Variants in KPNA3 observed in about 807,000 individuals in gnomAD.
KPNA3 encodes the protein karyopherin subunit alpha 3.
KPNA3 carries 13 observed loss-of-function variants against 73.8 expected under a neutral mutation model. The ratio of observed to expected loss-of-function variants is 0.18; its 90% confidence interval spans 0.11 to 0.28. The LOEUF (loss-of-function observed/expected upper bound fraction) is 0.28, where lower values mean the gene tolerates loss of function less well. Among genes scored for constraint, KPNA3 ranks in the 10% least tolerant of loss-of-function variants. The pLI, the probability that KPNA3 is intolerant of heterozygous loss-of-function variation, is 1.00. For synonymous variants in KPNA3, 186 were observed against 206.9 expected, an observed-to-expected ratio of 0.90 and a Z score of 0.87; for missense variants, 360 against 618.1, an observed-to-expected ratio of 0.58 and a Z score of 4.43.
chr13:49,787,620 C>T (rs1486677608), intron 1 of KPNA3, among the ~76,000 whole-genome samples: 1 of 152,134 alleles, frequency 6.6e-6, no homozygotes, highest in African/African-American at 2.4e-5. Context: ...GATTCTCTCG[C>T]CTCAGCCTCC....
intron 10 of KPNA3, among the ~76,000 whole-genome samples, chr13:49,712,699 A>G (rs1254836370): frequency 6.6e-6 from 1 of 152,162 alleles, no homozygotes; most frequent in Non-Finnish European, 1.5e-5. Context: ...AGAAAATAGA[A>G]TAAGCTCATG....
chr13:49,758,822 C>A (rs1211787965), intron 1 of KPNA3, among the ~76,000 whole-genome samples: 1 of 152,050 alleles, frequency 6.6e-6, no homozygotes, highest in African/African-American at 2.4e-5. Flanking sequence ...TATCTATCCA[C>A]CCCAAGATGT....
intron 12 of KPNA3, among the ~76,000 whole-genome samples, chr13:49,707,521 G>C (rs771973000): frequency 2.6e-5 from 4 of 152,034 alleles, no homozygotes; most frequent in Non-Finnish European, 5.9e-5. Flanking sequence ...AAAAATTTTT[G>C]AAGTAACTAA....
At chr13:49,758,775 T>TA (rs1334418406) in intron 1 of KPNA3, among the ~76,000 whole-genome samples, 1 of 152,162 alleles carries the variant, frequency 6.6e-6, no homozygotes, top group Non-Finnish European at 1.5e-5. Context: ...TATGTTTATA[T>TA]ACATACACAC....
rs965153926 is a variant in KPNA3, at chr13:49,711,146, A to G, written c.772-124T>C. On this transcript the variant is annotated intron_variant, in intron 10 of 16. Coordinates refer to ENST00000261667, the MANE Select transcript of KPNA3 (RefSeq NM_002267.4). ...TTCAAGTTTTAGCTTAGTGGCAAAA[A>G]TATCTGCTTAGCTGATTAATCTATT... 6.7e-6 allele frequency: 5 copies of G among 747,058 alleles called. No homozygotes were observed. In the East Asian group the frequency reaches 1.4e-4, roughly 21 times the overall value. The allele number at this position is 747,058 out of a possible 1,614,324, so 46.3% of individuals were successfully genotyped here.
intron 2 of KPNA3, among the ~76,000 whole-genome samples, chr13:49,735,169 C>T (rs1259352347): frequency 6.6e-6 from 1 of 152,166 alleles, no homozygotes; most frequent in African/African-American, 2.4e-5. Flanking sequence ...GTTGCCCAGG[C>T]TGCAGTGCAA....
chr13:49,727,293 C>T (rs889887998), intron 6 of KPNA3, among the ~76,000 whole-genome samples: 15 of 151,804 alleles, frequency 9.9e-5, no homozygotes, highest in African/African-American at 3.6e-4. Context: ...ACTAAAAATA[C>T]AAAAATTAGC....
intron 12 of KPNA3, among the ~76,000 whole-genome samples, chr13:49,707,621 G>A (rs1007303046): frequency 4.6e-5 from 7 of 151,726 alleles, no homozygotes; most frequent in African/African-American, 9.7e-5. Flanking sequence ...ATCACAGGCC[G>A]GAACCTTTCT....
At chr13:49,707,648 A>G (rs1954220501) in intron 12 of KPNA3, among the ~76,000 whole-genome samples, 2 of 152,046 alleles carry the variant, frequency 1.3e-5, no homozygotes, top group African/African-American at 4.8e-5. Flanking sequence ...ACTTCTGCCC[A>G]GCTTCCTCAC....
At chr13:49,751,128 G>A (rs1463384972) in intron 1 of KPNA3, among the ~76,000 whole-genome samples, 1 of 152,220 alleles carries the variant, frequency 6.6e-6, no homozygotes, top group Non-Finnish European at 1.5e-5. Context: ...GGCTGGAAGA[G>A]AGATGGTTTA....
chr13:49,771,838 T>C (rs960012463), intron 1 of KPNA3, among the ~76,000 whole-genome samples: 4 of 152,100 alleles, frequency 2.6e-5, no homozygotes, highest in Non-Finnish European at 5.9e-5. Flanking sequence ...ATTTTTTTTG[T>C]AGTGACGGGA....
chr13:49,726,469 AAACT>A (rs911464810), intron 6 of KPNA3, among the ~76,000 whole-genome samples: 41 of 152,320 alleles, frequency 2.7e-4, no homozygotes, highest in South Asian at 6.2e-4. Context: ...AAGAGAGCTG[AAACT>A]AACTAAGAAG....
chr13:49,711,965 T>C (rs925947484), intron 10 of KPNA3, among the ~76,000 whole-genome samples: 12 of 152,324 alleles, frequency 7.9e-5, no homozygotes, highest in Middle Eastern at 3.4e-3. Context: ...AATTAAATTC[T>C]AGCTTTTGTC....
intron 16 of KPNA3, 77 bp from the exon 17 acceptor site, chr13:49,701,975 C>G: frequency 1.1e-6 from 1 of 878,370 alleles, no homozygotes; most frequent in South Asian, 1.5e-5. Context: ...GACTTTTTAC[C>G]TCTTAGCAAA....
At chr13:49,768,803 C>T (rs547172263) in intron 1 of KPNA3, among the ~76,000 whole-genome samples, 2 of 152,202 alleles carry the variant, frequency 1.3e-5, no homozygotes, top group African/African-American at 4.8e-5. Flanking sequence ...TTAAAAACTG[C>T]CAAGAATTTG....
chr13:49,706,199 G>T (rs377545005), intron 13 of KPNA3, 30 bp from the exon 14 acceptor site: 121 of 1,611,536 alleles, frequency 7.5e-5, no homozygotes, highest in Non-Finnish European at 9.9e-5. Context: ...TCATAAAATG[G>T]ACTCTTTATC....
intron 1 of KPNA3, among the ~76,000 whole-genome samples, chr13:49,773,818 T>G (rs749596013): frequency 6.6e-6 from 1 of 152,118 alleles, no homozygotes; most frequent in African/African-American, 2.4e-5. Context: ...AAAACAACTC[T>G]AGGCACCAGA....
At chr13:49,748,666 AT>A (rs1376454296) in intron 1 of KPNA3, among the ~76,000 whole-genome samples, 1 of 152,176 alleles carries the variant, frequency 6.6e-6, no homozygotes, top group Non-Finnish European at 1.5e-5. Context: ...ACAGATATAT[AT>A]TAAATAGAAA....
chr13:49,715,118 A>C (rs1221815603), intron 10 of KPNA3, among the ~76,000 whole-genome samples: 1 of 152,090 alleles, frequency 6.6e-6, no homozygotes, highest in Admixed American at 6.5e-5. Context: ...GAATGTATAG[A>C]TATTTCTCTA....
Sources: gnomAD v4.1 joint callset for allele counts (sites outside exome capture counted in the v4.1 genomes callset) on GRCh38, gnomAD v4.1.1 for gene constraint, MANE v1.5 for transcripts, NCBI Gene and HGNC (gene_info 2026-07-23, HGNC 2026-07-21) for gene names.